The following OLFM3 variants were observed in gnomAD, a reference collection of about 807,000 sequenced individuals.
OLFM3 encodes the protein olfactomedin 3, also known as noelin-3.
A neutral mutation model predicts 48.6 loss-of-function variants in OLFM3; 20 were observed. The ratio of observed to expected loss-of-function variants is 0.41; its 90% CI spans 0.29 to 0.60. The LOEUF is 0.60. Ranked by LOEUF, OLFM3 falls within the 20% of genes least tolerant of loss-of-function variation. OLFM3 has a pLI of 0.28. For synonymous variants in OLFM3, 222 were observed against 198.1 expected (o/e 1.12, Z -1.01); for missense variants, 437 against 544.3 (o/e 0.80, Z 1.96).
chr1:101,933,584 C>A (rs1659522282), intron 1 of OLFM3, among the ~76,000 whole-genome samples: 2 of 152,182 alleles, frequency 1.3e-5, no homozygotes, highest in African/African-American at 4.8e-5. Flanking sequence ...AATAGAGTAG[C>A]TAACATTCAA....
chr1:101,950,874 A>T (rs1025643253), intron 1 of OLFM3, among the ~76,000 whole-genome samples: 1 of 152,230 alleles, frequency 6.6e-6, no homozygotes, highest in Non-Finnish European at 1.5e-5. Flanking sequence ...CTCAATAAAT[A>T]CTTATTGATT....
intron 3 of OLFM3, among the ~76,000 whole-genome samples, chr1:101,830,246 C>T (rs1655083461): frequency 6.6e-6 from 1 of 152,106 alleles, no homozygotes; most frequent in South Asian, 2.1e-4. Flanking sequence ...CAATACAACA[C>T]TTAAAATCTA....
At chr1:101,841,751 C>A (rs1358174648) in intron 1 of OLFM3, among the ~76,000 whole-genome samples, 5 of 152,132 alleles carry the variant, frequency 3.3e-5, no homozygotes, top group Admixed American at 2.6e-4. Flanking sequence ...TCGAATATTG[C>A]TAGATTTTTT....
intron 1 of OLFM3, among the ~76,000 whole-genome samples, chr1:101,953,136 G>C (rs1312942000): frequency 6.6e-6 from 1 of 151,980 alleles, no homozygotes; most frequent in Non-Finnish European, 1.5e-5. Context: ...CGGACATACT[G>C]GGTTAAATGA....
chr1:101,834,033 A>T (rs961142159), intron 2 of OLFM3, among the ~76,000 whole-genome samples: 3 of 152,214 alleles, frequency 2.0e-5, no homozygotes, highest in African/African-American at 7.2e-5. Context: ...TTTTTAGGTG[A>T]GCAATTTTAG....
chr1:101,967,590 GAAAAAAAA>G lies in OLFM3; in HGVS notation c.69+29150_69+29157del, dbSNP rs71592233. Among the ~76,000 whole-genome samples the G allele has an allele frequency of 8.3e-4, 37 of 44,570 alleles. 1 individual carries two copies. The highest frequency in any genetic ancestry group is 4.1e-3 in the South Asian group (3 of 730). 29.2% of individuals were successfully genotyped at this position (44,570 alleles called of 152,430 possible). A position where few individuals can be genotyped will look rare whatever the true frequency, so the allele number is the denominator to read the frequency against. On this transcript the variant is annotated intron_variant, in intron 1 of 5. Transcript: ENST00000370103. ...CCTTTTTACTTCCATCCTAGTCAGTGAAAAAAAAAAAAAAAAAAAAAAAAGGAATAACT... is the reference window on the plus strand; with the variant it reads ...CCTTTTTACTTCCATCCTAGTCAGTGAAAAAAAAAAAAAAAAGGAATAACT...
At chr1:101,925,074 G>A (rs1288433904) in intron 1 of OLFM3, among the ~76,000 whole-genome samples, 1 of 152,112 alleles carries the variant, frequency 6.6e-6, no homozygotes. Flanking sequence ...CATTTCTCAT[G>A]AATAAGGAGG....
At chr1:101,920,413 T>C (rs1272032099) in intron 1 of OLFM3, among the ~76,000 whole-genome samples, 1 of 152,226 alleles carries the variant, frequency 6.6e-6, no homozygotes, top group East Asian at 1.9e-4. Context: ...TTGTCTCCTT[T>C]ATATTTTCAG....
intron 1 of OLFM3, among the ~76,000 whole-genome samples, chr1:101,940,369 C>T (rs1659751924): frequency 2.2e-5 from 3 of 135,442 alleles, no homozygotes; most frequent in Admixed American, 7.8e-5. Context: ...GCTCTGCATT[C>T]AGGTTCTTCT....
intron 4 of OLFM3, among the ~76,000 whole-genome samples, chr1:101,821,676 C>A (rs1252735413): frequency 6.6e-6 from 1 of 152,020 alleles, no homozygotes; most frequent in African/African-American, 2.4e-5. Context: ...GTGACAATGG[C>A]CCCTCTACTA....
chr1:101,954,737 T>G (rs950269123), intron 1 of OLFM3, among the ~76,000 whole-genome samples: 2 of 152,112 alleles, frequency 1.3e-5, no homozygotes, highest in Non-Finnish European at 2.9e-5. Flanking sequence ...CCTCTTTTAT[T>G]CTATCCTAGA....
intron 3 of OLFM3, among the ~76,000 whole-genome samples, chr1:101,826,885 A>G (rs1349961985): frequency 6.6e-6 from 1 of 152,224 alleles, no homozygotes; most frequent in East Asian, 1.9e-4. Flanking sequence ...ACATTCTACT[A>G]TGGGCATATT....
intron 1 of OLFM3, among the ~76,000 whole-genome samples, chr1:101,941,115 G>A (rs866340547): frequency 1.3e-5 from 2 of 152,174 alleles, no homozygotes; most frequent in Non-Finnish European, 2.9e-5. Flanking sequence ...ACAGAAAAGT[G>A]CGAAGTGTGA....
intron 1 of OLFM3, among the ~76,000 whole-genome samples, chr1:101,840,320 C>T (rs926260259): frequency 2.0e-5 from 3 of 152,096 alleles, no homozygotes; most frequent in South Asian, 2.1e-4. Flanking sequence ...TGGTGGTATT[C>T]TGCCCATTAT....
At chr1:101,847,746 T>C (rs769323353) in intron 1 of OLFM3, among the ~76,000 whole-genome samples, 3 of 152,164 alleles carry the variant, frequency 2.0e-5, no homozygotes, top group Non-Finnish European at 4.4e-5. Flanking sequence ...GCTTCGTAGG[T>C]GTTCAGTCAC....
At chr1:101,887,694 A>G (rs1472461086) in intron 1 of OLFM3, among the ~76,000 whole-genome samples, 2 of 152,044 alleles carry the variant, frequency 1.3e-5, no homozygotes, top group Non-Finnish European at 2.9e-5. Flanking sequence ...ATCTTGGTAA[A>G]TACTTATTTT....
intron 4 of OLFM3, among the ~76,000 whole-genome samples, chr1:101,823,441 A>G (rs2100895022): frequency 6.6e-6 from 1 of 152,096 alleles, no homozygotes; most frequent in South Asian, 2.1e-4. Context: ...GGAGTGTTTC[A>G]GGAGCAGGAA....
intron 1 of OLFM3, among the ~76,000 whole-genome samples, chr1:101,939,427 G>A (rs1282978436): frequency 1.3e-5 from 2 of 152,072 alleles, no homozygotes; most frequent in African/African-American, 4.8e-5. Flanking sequence ...CCACAGAGAT[G>A]AATATACACA....
At chr1:101,892,852 C>T (rs916529327) in intron 1 of OLFM3, among the ~76,000 whole-genome samples, 1 of 152,050 alleles carries the variant, frequency 6.6e-6, no homozygotes, top group Non-Finnish European at 1.5e-5. Context: ...TGTTTGTCCT[C>T]TCTATTCAAC....
Sources: gnomAD v4.1 joint callset for allele counts (sites outside exome capture counted in the v4.1 genomes callset) on GRCh38, gnomAD v4.1.1 for gene constraint, MANE v1.5 for transcripts, NCBI Gene and HGNC (gene_info 2026-07-23, HGNC 2026-07-21) for gene names.